The following APBB2 variants were observed in gnomAD, a reference collection of about 807,000 sequenced individuals.
APBB2 encodes the protein Fe65-like 1.
APBB2 carries 38 observed loss-of-function variants against 82.5 expected under a neutral mutation model. That is an observed-to-expected ratio of 0.46 (90% CI 0.36 to 0.60). APBB2 has a LOEUF of 0.60. Among genes scored for constraint, APBB2 ranks in the 20% least tolerant of loss-of-function variants. APBB2 has a pLI of 0.00. For synonymous variants in APBB2, 341 were observed against 368.2 expected (o/e 0.93, Z 0.85); for missense variants, 772 against 972.3 (o/e 0.79, Z 2.74).
At chr4:40,907,375 ATATATT>A (rs1376292397) in intron 10 of APBB2, among the ~76,000 whole-genome samples, 4 of 32,510 alleles carry the variant, frequency 1.2e-4, no homozygotes, top group South Asian at 1.7e-3. Context: ...ATATATATAT[ATATATT>A]TTTTTTTTTT....
intron 1 of APBB2, among the ~76,000 whole-genome samples, chr4:41,157,463 G>C (rs1007600326): frequency 7.9e-5 from 12 of 152,136 alleles, no homozygotes; most frequent in African/African-American, 2.9e-4. Context: ...TTCACCCCTA[G>C]AGCAAGCTAA....
intron 6 of APBB2, among the ~76,000 whole-genome samples, chr4:41,009,220 T>C (rs1807628482): frequency 7.2e-6 from 1 of 139,486 alleles, no homozygotes; most frequent in African/African-American, 3.4e-5. Context: ...CTGAGGGAAC[T>C]GTATCTTTGA....
intron 2 of APBB2, among the ~76,000 whole-genome samples, chr4:41,113,084 C>G (rs1749782519): frequency 1.3e-5 from 2 of 152,048 alleles, no homozygotes; most frequent in South Asian, 4.1e-4. Context: ...CTATTGAATT[C>G]TGTGAGTCCA....
At chr4:40,964,083 T>A (rs2085787750) in intron 6 of APBB2, among the ~76,000 whole-genome samples, 1 of 152,202 alleles carries the variant, frequency 6.6e-6, no homozygotes, top group African/African-American at 2.4e-5. Context: ...TACCTTTTTT[T>A]ATCCCTCCAA....
At chr4:40,929,914 A>G (rs1025072120) in intron 10 of APBB2, among the ~76,000 whole-genome samples, 1 of 151,888 alleles carries the variant, frequency 6.6e-6, no homozygotes, top group African/African-American at 2.4e-5. Context: ...TGGGGGAAAA[A>G]CTCCTCCTAT....
chr4:41,062,438 C>T lies in APBB2; in HGVS notation c.-51+3138G>A, dbSNP rs149694478. Among the ~76,000 whole-genome samples, 805 of 152,092 alleles carry T rather than the reference C, an allele frequency of 5.3e-3. 3 individuals carry two copies. Among genetic ancestry groups the T allele is most frequent in the Middle Eastern group, 0.02 (6 of 294 alleles). Reference sequence around the variant, plus strand: ...CGGTGATCCGCCCACCTTGGCCTCCCGAAGTGCTGGGGTTACAGCACCCAG... The same window carrying T: ...CGGTGATCCGCCCACCTTGGCCTCCTGAAGTGCTGGGGTTACAGCACCCAG... On this transcript the variant is annotated intron_variant, in intron 4 of 17. Coordinates refer to ENST00000508593, the MANE Select transcript of APBB2 (RefSeq NM_004307.2).
intron 2 of APBB2, among the ~76,000 whole-genome samples, chr4:41,141,778 C>A (rs755692366): frequency 6.6e-6 from 1 of 152,206 alleles, no homozygotes; most frequent in African/African-American, 2.4e-5. Flanking sequence ...ACAGAGCTTG[C>A]GCAGAGAAAC....
At chr4:40,835,662 T>C (rs1467291120) in intron 12 of APBB2, among the ~76,000 whole-genome samples, 1 of 152,224 alleles carries the variant, frequency 6.6e-6, no homozygotes, top group Non-Finnish European at 1.5e-5. Flanking sequence ...TTGCCAGGAC[T>C]GGCCCTTACT....
At chr4:40,874,048 G>C (rs1766227995) in intron 12 of APBB2, among the ~76,000 whole-genome samples, 2 of 152,140 alleles carry the variant, frequency 1.3e-5, no homozygotes, top group Admixed American at 1.3e-4. Flanking sequence ...ATTTAGAAAA[G>C]TAAAATTTAA....
intron 5 of APBB2, among the ~76,000 whole-genome samples, chr4:41,030,199 G>A (rs1490035085): frequency 6.6e-6 from 1 of 152,198 alleles, no homozygotes; most frequent in African/African-American, 2.4e-5. Context: ...GGGTGGAAAG[G>A]AGCCCAGCAG....
chr4:41,158,492 T>C (rs1352592344), intron 1 of APBB2, among the ~76,000 whole-genome samples: 1 of 152,200 alleles, frequency 6.6e-6, no homozygotes, highest in Non-Finnish European at 1.5e-5. Flanking sequence ...AAAAGGTACA[T>C]GTCTGGGCAA....
At chr4:40,918,442 A>C (rs1344383546) in intron 10 of APBB2, among the ~76,000 whole-genome samples, 1 of 152,248 alleles carries the variant, frequency 6.6e-6, no homozygotes, top group Non-Finnish European at 1.5e-5. Flanking sequence ...TTTGGGGGAA[A>C]ATGTTTTATA....
chr4:41,060,293 G>A (rs923195784), intron 4 of APBB2, among the ~76,000 whole-genome samples: 14 of 152,218 alleles, frequency 9.2e-5, no homozygotes, highest in Non-Finnish European at 1.8e-4. Context: ...AGAACCATGT[G>A]TGTTGGAAAA....
chr4:40,899,339 T>A (rs1483859157), intron 10 of APBB2, among the ~76,000 whole-genome samples: 7 of 152,208 alleles, frequency 4.6e-5, no homozygotes, highest in Admixed American at 1.3e-4. Flanking sequence ...TTCTCTCCCA[T>A]TTGTTCTCTT....
At chr4:40,891,656 G>C (rs1054978881) in intron 11 of APBB2, among the ~76,000 whole-genome samples, 3 of 152,188 alleles carry the variant, frequency 2.0e-5, no homozygotes, top group Admixed American at 2.0e-4. Flanking sequence ...CTACAGCTGA[G>C]ATCCAGCCTG....
chr4:40,915,632 C>T (rs776970524), intron 10 of APBB2, among the ~76,000 whole-genome samples: 3 of 152,166 alleles, frequency 2.0e-5, no homozygotes, highest in Non-Finnish European at 2.9e-5. Context: ...TGCAAAGTGT[C>T]TGAAATGAAC....
chr4:41,155,675 C>A (rs1217781804), intron 1 of APBB2, among the ~76,000 whole-genome samples: 1 of 152,230 alleles, frequency 6.6e-6, no homozygotes, highest in Non-Finnish European at 1.5e-5. Flanking sequence ...TGCAGGAAAG[C>A]AGCTTTCATG....
chr4:41,213,803 A>G (rs1393691527), intron 1 of APBB2, among the ~76,000 whole-genome samples: 1 of 152,046 alleles, frequency 6.6e-6, no homozygotes, highest in African/African-American at 2.4e-5. Context: ...ACCGAGGGGG[A>G]AAAGGAACTT....
intron 6 of APBB2, among the ~76,000 whole-genome samples, chr4:40,962,972 T>C (rs1027627182): frequency 1.3e-5 from 2 of 152,258 alleles, no homozygotes; most frequent in Admixed American, 6.5e-5. Context: ...AGGTTTCTTA[T>C]CTGCAGGGTC....
Sources: allele counts gnomAD v4.1 joint callset (sites outside exome capture counted in the v4.1 genomes callset), GRCh38; gene constraint gnomAD v4.1.1; transcripts MANE v1.5; gene names NCBI Gene and HGNC (gene_info 2026-07-23, HGNC 2026-07-21).